Variants in FRMD4A observed in about 807,000 individuals in gnomAD.
FRMD4A encodes FERM domain containing 4A.
A neutral mutation model predicts 129.1 loss-of-function variants in FRMD4A; 29 were observed. The ratio of observed to expected loss-of-function variants is 0.22; its 90% confidence interval spans 0.17 to 0.31. The LOEUF is 0.31. Among genes scored for constraint, FRMD4A ranks in the 10% least tolerant of loss-of-function variants. The probability of loss-of-function intolerance (pLI) is 1.00; values close to 1 mark genes in which losing one functional copy is unlikely to be tolerated. For synonymous variants in FRMD4A, 634 were observed against 571.6 expected (o/e 1.11, Z -1.56); for missense variants, 1,272 against 1,375.8 (o/e 0.92, Z 1.19).
chr10:13,655,765 A>ATTCT lies in FRMD4A; in HGVS notation c.2953+867_2953+870dup, dbSNP rs1229781145. ...CCCATTTGCTTCTGACTCTCATTTT[A>ATTCT]TTCTTACCTCTCATTTTATTCTTAT... On this transcript the variant is annotated intron_variant, in intron 22 of 24. Transcript: ENST00000357447. 2.6e-5 allele frequency: 4 copies of ATTCT among 152,012 alleles called. 1 individual carries two copies. The highest frequency in any genetic ancestry group is 7.2e-5 in the African/African-American group (3 of 41,408). 9.4% of individuals were successfully genotyped at this position (152,012 alleles called of 1,614,324 possible).
chr10:14,282,236 G>T (rs1845544762), intron 2 of FRMD4A, among the ~76,000 whole-genome samples: 1 of 152,088 alleles, frequency 6.6e-6, no homozygotes. Context: ...ATGAAATTTG[G>T]GTGGAGACAC....
At chr10:14,277,150 C>T (rs942171350) in intron 2 of FRMD4A, among the ~76,000 whole-genome samples, 8 of 152,204 alleles carry the variant, frequency 5.3e-5, no homozygotes, top group Non-Finnish European at 1.0e-4. Context: ...GCGTGAGCCA[C>T]GGTGCCTGGC....
In FRMD4A at chr10:13,740,236, C is replaced by T; in HGVS notation, c.630G>A (p.Val210=). 1 of 1,608,286 alleles carries T rather than the reference C, an allele frequency of 6.2e-7. No homozygotes were observed. Among genetic ancestry groups the T allele is most frequent in the South Asian group, 1.1e-5 (1 of 90,960 alleles). Residue 210 remains valine, a synonymous_variant, in exon 11 of 25, where the codon GTG becomes GTA. Coordinates refer to ENST00000357447, the MANE Select transcript of FRMD4A (RefSeq NM_018027.5). ...GQAIVNYMSI[V]ESLPTYGVHY... ...GAACCCCGTAGGTTGGGAGAGACTCCACGATGCTCATGTAGCTGGAATGAC... is the reference window on the plus strand; with the variant it reads ...GAACCCCGTAGGTTGGGAGAGACTCTACGATGCTCATGTAGCTGGAATGAC...
At chr10:14,148,398 T>C (rs1379339093) in intron 2 of FRMD4A, among the ~76,000 whole-genome samples, 1 of 152,142 alleles carries the variant, frequency 6.6e-6, no homozygotes, top group Admixed American at 6.5e-5. Flanking sequence ...TTGCAAACAG[T>C]GAATGAACAG....
At chr10:14,214,292 A>C (rs184552409) in intron 2 of FRMD4A, among the ~76,000 whole-genome samples, 231 of 152,320 alleles carry the variant, frequency 1.5e-3, no homozygotes, top group Middle Eastern at 6.8e-3. Context: ...CCCTGAACAC[A>C]GATCTTCAAA....
chr10:14,199,265 G>A (rs1456366061), intron 2 of FRMD4A, among the ~76,000 whole-genome samples: 1 of 139,092 alleles, frequency 7.2e-6, no homozygotes, highest in Non-Finnish European at 1.6e-5. Flanking sequence ...TCTACTGCTT[G>A]ATTTTTAAGT....
rs114186491 is a variant in FRMD4A at position 13,678,607 on chromosome 10, C to T, written c.1118-3563G>A. On this transcript the variant is annotated intron_variant, in intron 15 of 24. Transcript: ENST00000357447. The stretch of plus-strand genomic sequence containing the variant: ...TTGAACATGAGCATGTGTGCGCACG[C>T]GCACGCACACACGTCCTAGTAGAAT... Among the ~76,000 whole-genome samples the T allele has an allele frequency of 9.7e-3, 1,473 of 152,322 alleles. 18 individuals are homozygous for T. Among genetic ancestry groups the T allele is most frequent in the African/African-American group, 0.03 (1,234 of 41,560 alleles).
intron 2 of FRMD4A, among the ~76,000 whole-genome samples, chr10:14,281,684 AC>A (rs1314499690): frequency 6.6e-6 from 1 of 152,162 alleles, no homozygotes; most frequent in African/African-American, 2.4e-5. Context: ...CAACTCCAGA[AC>A]CTTTTACTCT....
chr10:13,873,183 AATAAAAT>A (rs2094456040), intron 2 of FRMD4A, among the ~76,000 whole-genome samples: 3 of 106,932 alleles, frequency 2.8e-5, no homozygotes, highest in Admixed American at 1.1e-4. Context: ...TCTCAAAAAA[AATAAAAT>A]AAAATAAAAA....
At chr10:14,211,128 A>G (rs1271403436) in intron 2 of FRMD4A, among the ~76,000 whole-genome samples, 3 of 152,218 alleles carry the variant, frequency 2.0e-5, no homozygotes, top group Admixed American at 6.5e-5. Context: ...CTTCCCTGGT[A>G]TAACAGTACT....
chr10:14,256,797 A>C (rs933445111), intron 2 of FRMD4A, among the ~76,000 whole-genome samples: 1 of 152,196 alleles, frequency 6.6e-6, no homozygotes, highest in Non-Finnish European at 1.5e-5. Flanking sequence ...AGCCTGGGCC[A>C]CACAGCGAGA....
chr10:14,140,820 T>C (rs1017456515), intron 2 of FRMD4A, among the ~76,000 whole-genome samples: 9 of 152,210 alleles, frequency 5.9e-5, no homozygotes, highest in Admixed American at 3.3e-4. Context: ...ATCCCCCATT[T>C]GTTACAGAAA....
chr10:13,775,677 G>A (rs1056896480), intron 6 of FRMD4A, among the ~76,000 whole-genome samples: 5 of 152,132 alleles, frequency 3.3e-5, no homozygotes, highest in East Asian at 1.9e-4. Flanking sequence ...GCGGCATCCC[G>A]GGTTGAGACT....
At chr10:14,039,065 T>C (rs1204505853) in intron 2 of FRMD4A, among the ~76,000 whole-genome samples, 1 of 152,196 alleles carries the variant, frequency 6.6e-6, no homozygotes, top group East Asian at 1.9e-4. Flanking sequence ...ATATTCAATA[T>C]TTACCGAGCT....
chr10:13,656,526 C>T, intron 22 of FRMD4A, 110 bp downstream of exon 22: 2 of 1,201,610 alleles, frequency 1.7e-6, no homozygotes, highest in Non-Finnish European at 2.1e-6. Context: ...TAATGATTCC[C>T]GTTCCTCACT....
At chr10:13,971,413 T>G (rs531060659) in intron 2 of FRMD4A, among the ~76,000 whole-genome samples, 40 of 152,198 alleles carry the variant, frequency 2.6e-4, no homozygotes, top group Non-Finnish European at 5.3e-4. Flanking sequence ...ACATAGGCAC[T>G]TCCTCGATCC....
Position 14,177,678 on chromosome 10 carries a change from C to T in FRMD4A, c.45+152380G>A, listed in dbSNP as rs188398215. Among the ~76,000 whole-genome samples, 343 of 152,162 alleles carry T rather than the reference C, an allele frequency of 2.3e-3. 1 individual carries two copies. Among genetic ancestry groups the T allele is most frequent in the Non-Finnish European group, 2.8e-3 (189 of 68,012 alleles). The stretch of plus-strand genomic sequence containing the variant: ...ATTCGACTGATTGCATGTTTAAGGC[C>T]GGTTGTTTTCTGAAAAACTCCAACC... On this transcript the variant is annotated intron_variant, in intron 2 of 24. Coordinates refer to ENST00000357447, the MANE Select transcript of FRMD4A (RefSeq NM_018027.5).
intron 3 of FRMD4A, among the ~76,000 whole-genome samples, chr10:13,814,591 AAAAAAAAAAAAAAAAAG>A (rs2093505912): frequency 1.4e-5 from 2 of 144,832 alleles, no homozygotes; most frequent in Non-Finnish European, 3.1e-5. Context: ...AAAAAAAAAA[AAAAAAAAAAAAAAAAAG>A]AAAGAAAGGG....
chr10:13,729,110 C>T (rs547514413), intron 12 of FRMD4A, among the ~76,000 whole-genome samples: 1 of 33,568 alleles, frequency 3.0e-5, no homozygotes, highest in Admixed American at 3.4e-4. Context: ...GCCCCCGCGG[C>T]CAAGTAGGCC....
Sources: allele counts gnomAD v4.1 joint callset (sites outside exome capture counted in the v4.1 genomes callset), GRCh38; gene constraint gnomAD v4.1.1; transcripts MANE v1.5; gene names NCBI Gene and HGNC (gene_info 2026-07-23, HGNC 2026-07-21).